The following CTBP1 variants were observed in gnomAD, a reference collection of about 807,000 sequenced individuals.
CTBP1 encodes C-terminal-binding protein 1.
In CTBP1, 11 loss-of-function variants were observed where a neutral mutation model predicts 42.1. That is an observed-to-expected ratio of 0.26 (90% CI 0.16 to 0.43). The LOEUF is 0.43. CTBP1 is among the 20% of genes least tolerant of loss of function. CTBP1 has a pLI of 1.00. For synonymous variants in CTBP1, 324 were observed against 277.1 expected (o/e 1.17, Z -1.68); for missense variants, 399 against 624.3 (o/e 0.64, Z 3.85).
intron 9 of CTBP1, 123 bp from the exon 10 acceptor site, chr4:1,212,546 A>T (rs779622571): frequency 1.6e-5 from 14 of 896,634 alleles, no homozygotes; most frequent in Non-Finnish European, 2.2e-5. Context: ...CAGGGTAAGG[A>T]TCCCGGCCTT....
chr4:1,244,149 G>C (rs1400845039), intron 1 of CTBP1: 2 of 985,098 alleles, frequency 2.0e-6, no homozygotes, highest in African/African-American at 1.7e-5. Context: ...ACATGTCAAC[G>C]CCCTGTCTCT....
intron 5 of CTBP1, among the ~76,000 whole-genome samples, chr4:1,224,420 G>A (rs977267466): frequency 6.6e-6 from 1 of 150,534 alleles, no homozygotes; most frequent in Non-Finnish European, 1.5e-5. Context: ...GCTGTGTGAG[G>A]CTGTGTGTAC....
intron 1 of CTBP1, among the ~76,000 whole-genome samples, chr4:1,248,009 A>T (rs1177666065): frequency 2.6e-5 from 4 of 152,232 alleles, no homozygotes; most frequent in Non-Finnish European, 5.9e-5. Flanking sequence ...AGGCCGCCAG[A>T]GAACGCTCCA....
rs542556923 is a variant in CTBP1, at chr4:1,215,851, G to A, written c.729+140C>T. The A allele has an allele frequency of 3.5e-6, 3 of 866,072 alleles. No individual in the cohort carries two copies. The Admixed American group carries it at 7.1e-5, about 21-fold the overall frequency. 53.6% of individuals were successfully genotyped at this position (866,072 alleles called of 1,614,324 possible). A position where few individuals can be genotyped will look rare whatever the true frequency, so the allele number is the denominator to read the frequency against. On this transcript the variant is annotated intron_variant, in intron 6 of 9. Coordinates refer to ENST00000382952, the MANE Select transcript of CTBP1 (RefSeq NM_001012614.2). The stretch of plus-strand genomic sequence containing the variant: ...TGGGCAGACAGGGCTTCCCCCAGCA[G>A]GGCTGGCAGCCGCCGCCATGTGGCT...
chr4:1,232,613 T>A (rs1731071794), intron 3 of CTBP1, among the ~76,000 whole-genome samples: 1 of 152,222 alleles, frequency 6.6e-6, no homozygotes, highest in Non-Finnish European at 1.5e-5. Context: ...CACCCCACCT[T>A]GCAATGCTGT....
intron 1 of CTBP1, chr4:1,243,133 G>A (rs1050627133): frequency 1.0e-5 from 10 of 985,398 alleles, no homozygotes; most frequent in East Asian, 1.1e-4. Context: ...CGTCAAGACC[G>A]GCCAATACTC....
rs1730330257 is a variant in CTBP1 at position 1,226,256 on chromosome 4, C to T, written c.308-690G>A. ...TGAGCCTATTTACCCTCATCCCTGG[C>T]TTGTCCCTGGCCAGGGCCGCCCCTG... On this transcript the variant is annotated intron_variant, in intron 4 of 9. Transcript: ENST00000382952. Among the ~76,000 whole-genome samples, 4 of 152,280 alleles carry T rather than the reference C, an allele frequency of 2.6e-5. No homozygotes were observed. In the South Asian group the frequency reaches 8.3e-4, roughly 32 times the overall value.
rs372275288 is a variant in CTBP1, at chr4:1,237,991, G to A, written c.162+192C>T. ...TCCTGATGGGGCTCAGGGCAAACCC[G>A]ATGTCCACCTCCTGATGGTGTCCAG... On this transcript the variant is annotated intron_variant, in intron 3 of 9. Transcript: ENST00000382952. The A allele has an allele frequency of 3.4e-4, 259 of 764,630 alleles. No homozygotes were observed. The highest frequency in any genetic ancestry group is 4.8e-4 in the Non-Finnish European group (214 of 444,314). The allele number at this position is 764,630 out of a possible 1,614,324, so 47.4% of individuals were successfully genotyped here.
intron 5 of CTBP1, among the ~76,000 whole-genome samples, chr4:1,220,063 A>T (rs185039090): frequency 3.9e-4 from 60 of 152,268 alleles, no homozygotes; most frequent in Middle Eastern, 3.4e-3. Context: ...TTAGCCAGGC[A>T]TGGTGGCGTG....
intron 5 of CTBP1, among the ~76,000 whole-genome samples, chr4:1,223,137 C>T (rs1729937387): frequency 1.3e-5 from 2 of 152,238 alleles, no homozygotes; most frequent in South Asian, 4.1e-4. Context: ...AGCCCCGAGT[C>T]CCCGGCCCCT....
chr4:1,247,825 C>T (rs1732895169), intron 1 of CTBP1, among the ~76,000 whole-genome samples: 1 of 152,148 alleles, frequency 6.6e-6, no homozygotes, highest in South Asian at 2.1e-4. Context: ...TCGGCCCTAG[C>T]TCCAGGCCCT....
intron 1 of CTBP1, chr4:1,245,188 G>A (rs1732591068): frequency 3.0e-6 from 3 of 985,326 alleles, no homozygotes; most frequent in Non-Finnish European, 3.6e-6. Context: ...GTGAGCCAGG[G>A]AGCCACCGCA....
At chr4:1,244,366 G>A (rs1357580454) in intron 1 of CTBP1, 5 of 982,010 alleles carry the variant, frequency 5.1e-6, no homozygotes, top group Admixed American at 1.3e-4. Flanking sequence ...GGGGGGGGGT[G>A]TTCCAGGAAG....
chr4:1,211,469 C>T lies in CTBP1; in HGVS notation c.*771G>A, dbSNP rs953378588. 6.6e-6 allele frequency: 1 copy of T among 152,434 alleles called. No individual in the cohort carries two copies. Among genetic ancestry groups the T allele is most frequent in the African/African-American group, 2.4e-5 (1 of 41,436 alleles). The allele number at this position is 152,434 out of a possible 1,614,324, so 9.4% of individuals were successfully genotyped here. A position where few individuals can be genotyped will look rare whatever the true frequency, so the allele number is the denominator to read the frequency against. On this transcript the variant is annotated 3_prime_UTR_variant, in exon 10 of 10. Coordinates refer to ENST00000382952, the MANE Select transcript of CTBP1 (RefSeq NM_001012614.2). The stretch of plus-strand genomic sequence containing the variant: ...CTGGCTCTTTCCAGGATTTTTATTT[C>T]TTTAAAATAATTCATACAAATGGTT...
At chr4:1,245,710 A>G (rs898771733) in intron 1 of CTBP1, 42 of 978,802 alleles carry the variant, frequency 4.3e-5, no homozygotes, top group African/African-American at 8.8e-5. Context: ...GGCGGGCAGG[A>G]TGGCACAAGC....
At chr4:1,239,059 A>C (rs1024119435) in intron 2 of CTBP1, among the ~76,000 whole-genome samples, 1 of 152,248 alleles carries the variant, frequency 6.6e-6, no homozygotes, top group African/African-American at 2.4e-5. Context: ...AAAGAAACAG[A>C]ACAAAGGAAG....
chr4:1,241,840 T>C (rs933251973), intron 1 of CTBP1: 6 of 1,156,472 alleles, frequency 5.2e-6, no homozygotes, highest in African/African-American at 1.6e-5. Context: ...GTCCCCAGTG[T>C]CCAAGAACCA....
At chr4:1,225,244 G>C in intron 5 of CTBP1, 116 bp downstream of exon 5, 1 of 1,262,792 alleles carries the variant, frequency 7.9e-7, no homozygotes, top group South Asian at 1.5e-5. Context: ...TCCTGGGTTG[G>C]GACCGACACC....
chr4:1,249,511 C>CG (rs1733135940), upstream of CTBP1: 1 of 175,358 alleles, frequency 5.7e-6, no homozygotes, highest in Non-Finnish European at 1.2e-5. Context: ...GCAGCCGCCC[C>CG]GCTCCCTTCC....
Sources: gnomAD v4.1 joint callset for allele counts (sites outside exome capture counted in the v4.1 genomes callset) on GRCh38, gnomAD v4.1.1 for gene constraint, MANE v1.5 for transcripts, NCBI Gene and HGNC (gene_info 2026-07-23, HGNC 2026-07-21) for gene names.